Variants in PRKG1 observed in about 807,000 individuals in gnomAD.
PRKG1 encodes the protein protein kinase cGMP-dependent 1, also known as cGMP-dependent protein kinase 1.
PRKG1 carries 35 observed loss-of-function variants against 88.1 expected under a neutral mutation model. The observed-to-expected ratio is 0.40, with a 90% CI of 0.30 to 0.53. PRKG1 has a LOEUF of 0.53. Ranked by LOEUF, PRKG1 falls within the 20% of genes least tolerant of loss-of-function variation. The probability of loss-of-function intolerance (pLI) is 0.59; values close to 1 mark genes in which losing one functional copy is unlikely to be tolerated. For synonymous variants in PRKG1, 303 were observed against 292.5 expected, an observed-to-expected ratio of 1.04 and a Z score of -0.37; for missense variants, 540 against 839.8, an observed-to-expected ratio of 0.64 and a Z score of 4.41.
chr10:51,552,145 T>C (rs1388637424), intron 3 of PRKG1, among the ~76,000 whole-genome samples: 1 of 151,664 alleles, frequency 6.6e-6, no homozygotes, highest in Non-Finnish European at 1.5e-5. Context: ...TCTCAGATGG[T>C]GATTATGCTA....
intron 3 of PRKG1, among the ~76,000 whole-genome samples, chr10:51,798,508 C>G (rs10999538): frequency 0.26 from 38,819 of 151,796 alleles, 5,546 homozygotes; most frequent in East Asian, 0.57. Context: ...ATTTACTTGG[C>G]TGATACTTCA....
At position 50,991,617 on chromosome 10, in the gene PRKG1, C is replaced by T. The variant is rs760764808; in HGVS notation, c.239C>T (p.Ala80Val). 1.3e-6 allele frequency: 2 copies of T among 1,552,216 alleles called. No individual in the cohort carries two copies. Among genetic ancestry groups the T allele is most frequent in the African/African-American group, 1.4e-5 (1 of 71,746 alleles). ...AGGTCCTTCCACGACCTCCGACAGG[C>T]ATTCCGGAAGTTCACCAAGTCCGAA... The change falls in exon 1 of 18, where the codon GCA (alanine) becomes GTA (valine). Residue 80 changes from alanine (A) to valine (V), a missense_variant. Transcript: ENST00000401604. The surrounding 1 kb of genome is among the most constrained non-coding windows in gnomAD (Gnocchi z 4.5).
chr10:51,548,300 G>A (rs187859035), intron 3 of PRKG1, among the ~76,000 whole-genome samples: 2 of 152,128 alleles, frequency 1.3e-5, no homozygotes, highest in Non-Finnish European at 2.9e-5. Flanking sequence ...CTTGATCTGA[G>A]CCCATCATTT....
At chr10:51,908,711 C>CTATCTATCTATCTATCTATCTA in intron 5 of PRKG1, 1 of 144,820 alleles carries the variant, frequency 6.9e-6, no homozygotes, top group South Asian at 2.4e-4. Flanking sequence ...CTCTCTCTCT[C>CTATCTATCTATCTATCTATCTA]TCTGTCTATC....
At chr10:51,542,490 A>G (rs958885898) in intron 3 of PRKG1, among the ~76,000 whole-genome samples, 1 of 152,172 alleles carries the variant, frequency 6.6e-6, no homozygotes, top group Admixed American at 6.6e-5. Context: ...AACCATTACA[A>G]GTAACTGACA....
intron 3 of PRKG1, among the ~76,000 whole-genome samples, chr10:51,670,834 C>A (rs1181635257): frequency 6.6e-6 from 1 of 151,706 alleles, no homozygotes; most frequent in African/African-American, 2.4e-5. Flanking sequence ...ACAACTTAAT[C>A]AGTATTTTTA....
At chr10:51,137,267 T>G (rs1845711261) in intron 1 of PRKG1, among the ~76,000 whole-genome samples, 1 of 152,154 alleles carries the variant, frequency 6.6e-6, no homozygotes, top group South Asian at 2.1e-4. Context: ...AGTGGTAAAT[T>G]GTGCAGAAAC....
At chr10:52,064,180 A>G (rs1846302725) in intron 7 of PRKG1, among the ~76,000 whole-genome samples, 1 of 152,128 alleles carries the variant, frequency 6.6e-6, no homozygotes, top group Non-Finnish European at 1.5e-5. Context: ...CCTGCAGGCC[A>G]GCACCAAGCT....
intron 3 of PRKG1, among the ~76,000 whole-genome samples, chr10:51,555,169 C>A (rs1466609053): frequency 2.0e-5 from 3 of 151,822 alleles, no homozygotes; most frequent in Non-Finnish European, 4.4e-5. Context: ...TGCTTTATGG[C>A]TCTCCAGTTC....
At chr10:51,458,229 AAGT>A (rs1839645125) in intron 2 of PRKG1, among the ~76,000 whole-genome samples, 1 of 152,162 alleles carries the variant, frequency 6.6e-6, no homozygotes, top group Admixed American at 6.6e-5. Flanking sequence ...CCACTGGGTG[AAGT>A]AAGTTATAGT....
chr10:52,006,100 CA>C (rs35009632), intron 5 of PRKG1, among the ~76,000 whole-genome samples: 2 of 150,198 alleles, frequency 1.3e-5, no homozygotes, highest in East Asian at 3.9e-4. Context: ...AACAAACAAA[CA>C]AAAAAAACAA....
At chr10:51,429,966 G>T (rs1431611675) in intron 2 of PRKG1, among the ~76,000 whole-genome samples, 1 of 151,954 alleles carries the variant, frequency 6.6e-6, no homozygotes, top group Non-Finnish European at 1.5e-5. Flanking sequence ...GAACTAAATA[G>T]TTATAAACTT....
At chr10:51,510,912 T>TA (rs1841380802) in intron 3 of PRKG1, among the ~76,000 whole-genome samples, 1 of 149,976 alleles carries the variant, frequency 6.7e-6, no homozygotes, top group African/African-American at 2.5e-5. Context: ...CCAGCTTATT[T>TA]TTTTTTTTTT....
intron 2 of PRKG1, among the ~76,000 whole-genome samples, chr10:51,183,184 C>T (rs2132028592): frequency 6.6e-6 from 1 of 152,236 alleles, no homozygotes; most frequent in South Asian, 2.1e-4. Flanking sequence ...TAATAATTAT[C>T]CTGCTTTGTA....
chr10:51,158,122 C>A (rs535579699), intron 2 of PRKG1, among the ~76,000 whole-genome samples: 1 of 151,816 alleles, frequency 6.6e-6, no homozygotes, highest in Non-Finnish European at 1.5e-5. Flanking sequence ...CAATTTTTTT[C>A]ATGAGGTGTT....
chr10:51,938,448 C>G (rs976014288), intron 5 of PRKG1, among the ~76,000 whole-genome samples: 1 of 151,952 alleles, frequency 6.6e-6, no homozygotes, highest in Non-Finnish European at 1.5e-5. Flanking sequence ...TTTTATGAAT[C>G]TGAACCTAAA....
chr10:51,534,168 G>C (rs1331656915), intron 3 of PRKG1, among the ~76,000 whole-genome samples: 1 of 152,086 alleles, frequency 6.6e-6, no homozygotes, highest in African/African-American at 2.4e-5. Context: ...TATTAAAAGG[G>C]ATTTCCAATA....
At chr10:51,889,185 A>G (rs1046935739) in intron 4 of PRKG1, among the ~76,000 whole-genome samples, 2 of 147,214 alleles carry the variant, frequency 1.4e-5, no homozygotes. Flanking sequence ...CATTAGGTAT[A>G]TCTCCTAATT....
intron 2 of PRKG1, among the ~76,000 whole-genome samples, chr10:51,414,781 T>G (rs1308949994): frequency 2.0e-5 from 3 of 152,204 alleles, no homozygotes; most frequent in African/African-American, 7.2e-5. Context: ...TAAAAAACAA[T>G]ATTATGATTC....
Sources: gnomAD v4.1 joint callset for allele counts (sites outside exome capture counted in the v4.1 genomes callset) on GRCh38, gnomAD v4.1.1 for gene constraint, Gnocchi (gnomAD v3.1) non-coding constraint, MANE v1.5 for transcripts, NCBI Gene and HGNC (gene_info 2026-07-23, HGNC 2026-07-21) for gene names.